Variants in DMGDH observed in about 807,000 individuals in gnomAD.
DMGDH encodes the protein dimethylglycine dehydrogenase, mitochondrial.
Under a neutral mutation model 95.2 loss-of-function variants are expected in DMGDH, and 76 were observed. That is an observed-to-expected ratio of 0.80 (90% confidence interval 0.66 to 0.97). The LOEUF is 0.97. Among genes scored for constraint, DMGDH ranks in the 50% least tolerant of loss-of-function variants. DMGDH has a pLI of 0.00. For missense variants in DMGDH, 987 were observed against 1,055.0 expected (o/e 0.94, Z 0.89); for synonymous variants, 345 against 377.6 (o/e 0.91, Z 1.00).
At chr5:79,037,656 A>G (rs144762567) in intron 7 of DMGDH, among the ~76,000 whole-genome samples, 12 of 152,258 alleles carry the variant, frequency 7.9e-5, no homozygotes, top group Admixed American at 7.2e-4. Context: ...ATGCAAACAG[A>G]TGTGATTTCT....
intron 14 of DMGDH, among the ~76,000 whole-genome samples, chr5:79,016,715 A>G (rs1312882575): frequency 2.0e-5 from 3 of 152,232 alleles, no homozygotes. Context: ...TTCTAAAATT[A>G]ATGAAATTCA....
intron 2 of DMGDH, 52 bp downstream of exon 2, chr5:79,063,561 C>T: frequency 6.2e-7 from 1 of 1,610,472 alleles, no homozygotes; most frequent in South Asian, 1.1e-5. Flanking sequence ...AGGAAATGGA[C>T]TTTACTCATG....
Position 79,005,279 on chromosome 5 carries a change from A to C in DMGDH, c.2379T>G (p.Asn793Lys). 6.2e-7 allele frequency: 1 copy of C among 1,613,708 alleles called. No homozygotes were observed. The highest frequency in any genetic ancestry group is 1.1e-5 in the South Asian group (1 of 90,940). Reference protein sequence around the residue: ...DPEGNESIWYNGKVVGNTTSG... With the variant: ...DPEGNESIWYKGKVVGNTTSG... ...TGAGGTCCTCAGCACTCACCTTGCC[A>C]TTGTACCAGATGCTTTCATTTCCCT... The change falls in exon 15 of 16, where the codon AAT (asparagine) becomes AAG (lysine). Residue 793 changes from asparagine to lysine, a missense_variant. Transcript: ENST00000255189.
At chr5:79,011,632 C>T (rs1046792105) in intron 14 of DMGDH, among the ~76,000 whole-genome samples, 14 of 152,160 alleles carry the variant, frequency 9.2e-5, no homozygotes, top group Non-Finnish European at 1.9e-4. Context: ...AAGCATGATG[C>T]TGGCATCTGC....
At chr5:79,000,140 T>C in intron 15 of DMGDH, 1 of 539,296 alleles carries the variant, frequency 1.9e-6, no homozygotes, top group Non-Finnish European at 3.6e-6. Context: ...AAGCCTTAGA[T>C]GATTTTCAGG....
chr5:79,061,774 G>A (rs1486312215), intron 2 of DMGDH, among the ~76,000 whole-genome samples: 1 of 151,976 alleles, frequency 6.6e-6, no homozygotes, highest in Admixed American at 6.6e-5. Flanking sequence ...TAAGAAAATA[G>A]CTGGGCATGT....
intron 7 of DMGDH, among the ~76,000 whole-genome samples, chr5:79,040,878 A>G (rs1754489713): frequency 6.6e-6 from 1 of 152,140 alleles, no homozygotes; most frequent in Non-Finnish European, 1.5e-5. Context: ...ATGCCTGCAT[A>G]TGGACTCTAT....
intron 14 of DMGDH, among the ~76,000 whole-genome samples, chr5:79,017,379 T>C (rs1753753958): frequency 6.6e-6 from 1 of 151,870 alleles, no homozygotes; most frequent in Admixed American, 6.6e-5. Flanking sequence ...AAAAAAGATA[T>C]AGAAATGGCA....
chr5:79,033,447 T>C (rs757832417), intron 7 of DMGDH, 39 bp from the exon 8 acceptor site: 1 of 1,610,460 alleles, frequency 6.2e-7, no homozygotes, highest in African/African-American at 1.3e-5. Flanking sequence ...TACTAACACA[T>C]GTAGTTTTCA....
intron 5 of DMGDH, among the ~76,000 whole-genome samples, chr5:79,046,525 C>T (rs533612183): frequency 6.6e-6 from 1 of 152,138 alleles, no homozygotes; most frequent in Non-Finnish European, 1.5e-5. Flanking sequence ...GTAGATGGGA[C>T]TATAGGCACA....
At chr5:79,015,685 G>A (rs998874589) in intron 14 of DMGDH, among the ~76,000 whole-genome samples, 6 of 152,066 alleles carry the variant, frequency 3.9e-5, no homozygotes, top group African/African-American at 9.7e-5. Context: ...AGAAAAACAG[G>A]AAAAATAAAC....
At chr5:79,025,265 T>C (rs1471965284) in intron 13 of DMGDH, among the ~76,000 whole-genome samples, 1 of 152,062 alleles carries the variant, frequency 6.6e-6, no homozygotes, top group Non-Finnish European at 1.5e-5. Flanking sequence ...GGCAGGAGAA[T>C]GGAGAAATGT....
At chr5:79,061,853 G>A (rs1755219067) in intron 2 of DMGDH, among the ~76,000 whole-genome samples, 1 of 152,056 alleles carries the variant, frequency 6.6e-6, no homozygotes, top group Non-Finnish European at 1.5e-5. Flanking sequence ...TGCTTATAGT[G>A]AGCTATGATT....
chr5:79,066,327 C>G (rs868503471), intron 1 of DMGDH, among the ~76,000 whole-genome samples: 1 of 151,950 alleles, frequency 6.6e-6, no homozygotes, highest in African/African-American at 2.4e-5. Context: ...GCTCTGTTGC[C>G]CAGGCTGGAG....
intron 15 of DMGDH, among the ~76,000 whole-genome samples, chr5:79,003,113 C>A (rs1753482332): frequency 6.6e-6 from 1 of 152,202 alleles, no homozygotes; most frequent in Non-Finnish European, 1.5e-5. Flanking sequence ...CATAATATCT[C>A]TTTCATTCCA....
rs75136222 is a variant in DMGDH at position 79,044,842 on chromosome 5, T to A, written c.746-290A>T. 6.6e-5 allele frequency among the ~76,000 whole-genome samples: 10 copies of A among 152,136 alleles called. No homozygotes were observed. The East Asian group carries it at 1.4e-3, about 21-fold the overall frequency. Reference sequence around the variant, plus strand: ...GGTAGGCAGGAAAAAAACAAAAAAATTTATTTGAAAGAAAAAACGAACAAC... The same window carrying A: ...GGTAGGCAGGAAAAAAACAAAAAAAATTATTTGAAAGAAAAAACGAACAAC... On this transcript the variant is annotated intron_variant, in intron 5 of 15. Transcript: ENST00000255189.
chr5:79,051,260 C>CAAAAAAAAA (rs774878062), intron 5 of DMGDH, 27 bp downstream of exon 5: 6 of 1,610,506 alleles, frequency 3.7e-6, no homozygotes, highest in Non-Finnish European at 4.2e-6. Context: ...TTAAAAAACA[C>CAAAAAAAAA]TAATTTCAAA....
Position 78,999,333 on chromosome 5 carries a change from T to C in DMGDH, c.2386-1036A>G, listed in dbSNP as rs532999479. On this transcript the variant is annotated intron_variant, in intron 15 of 15. Coordinates refer to ENST00000255189, the MANE Select transcript of DMGDH (RefSeq NM_013391.3). ...CTCTCCATATGATTTCTCTCTCTCT[T>C]TTTTTTCTTTTGTTTGAGACAGAGT... Among the ~76,000 whole-genome samples, 15 of 152,232 alleles carry C rather than the reference T, an allele frequency of 9.9e-5. No homozygotes were observed. The East Asian group carries it at 2.3e-3, about 24-fold the overall frequency.
intron 14 of DMGDH, among the ~76,000 whole-genome samples, chr5:79,017,187 A>G (rs988670054): frequency 2.0e-5 from 3 of 152,200 alleles, no homozygotes; most frequent in African/African-American, 7.2e-5. Flanking sequence ...AACAATTGAT[A>G]AGAACTTTAA....
Sources: gnomAD v4.1 joint callset for allele counts (sites outside exome capture counted in the v4.1 genomes callset) on GRCh38, gnomAD v4.1.1 for gene constraint, MANE v1.5 for transcripts, NCBI Gene and HGNC (gene_info 2026-07-23, HGNC 2026-07-21) for gene names.